SCAPER: variants seen among roughly 807,000 people sequenced by gnomAD.
SCAPER encodes the protein S phase cyclin A-associated protein in the endoplasmic reticulum.
SCAPER carries 98 observed loss-of-function variants against 182.2 expected under a neutral mutation model. The ratio of observed to expected loss-of-function variants is 0.54; its 90% CI spans 0.46 to 0.64. The LOEUF (loss-of-function observed/expected upper bound fraction) is 0.64. SCAPER is among the 30% of genes least tolerant of loss of function. The pLI is 0.00. For synonymous variants in SCAPER, 605 were observed against 564.6 expected, an observed-to-expected ratio of 1.07 and a Z score of -1.01; for missense variants, 1,432 against 1,690.0, an observed-to-expected ratio of 0.85 and a Z score of 2.68.
intron 8 of SCAPER, among the ~76,000 whole-genome samples, chr15:76,786,180 A>G (rs1453424239): frequency 6.6e-6 from 1 of 151,914 alleles, no homozygotes; most frequent in Non-Finnish European, 1.5e-5. Flanking sequence ...CACAAAAATT[A>G]GCTGGGCGTG....
chr15:76,575,241 G>C (rs1312184112), intron 22 of SCAPER, among the ~76,000 whole-genome samples: 3 of 152,066 alleles, frequency 2.0e-5, no homozygotes, highest in African/African-American at 7.2e-5. Flanking sequence ...GCAGGGGTGG[G>C]GGTGTGGGGG....
intron 16 of SCAPER, among the ~76,000 whole-genome samples, chr15:76,729,459 G>A (rs969709392): frequency 2.0e-5 from 3 of 151,656 alleles, no homozygotes; most frequent in Non-Finnish European, 4.4e-5. Context: ...TGAATATGAT[G>A]AAAAAACCAT....
intron 23 of SCAPER, among the ~76,000 whole-genome samples, chr15:76,570,213 T>C (rs939529116): frequency 6.6e-6 from 1 of 152,198 alleles, no homozygotes; most frequent in East Asian, 1.9e-4. Context: ...TAATGACTGG[T>C]GTACTTCCTG....
chr15:76,581,076 CA>C (rs1178541147), intron 22 of SCAPER, among the ~76,000 whole-genome samples: 1 of 152,108 alleles, frequency 6.6e-6, no homozygotes, highest in East Asian at 1.9e-4. Context: ...TACACATATA[CA>C]ACCTACCAAG....
intron 23 of SCAPER, among the ~76,000 whole-genome samples, chr15:76,557,560 T>C (rs1462270228): frequency 1.3e-5 from 2 of 152,178 alleles, no homozygotes; most frequent in African/African-American, 4.8e-5. Flanking sequence ...TGTTTAAAAG[T>C]GTGTGGCACT....
intron 8 of SCAPER, among the ~76,000 whole-genome samples, chr15:76,793,585 T>C (rs188313843): frequency 1.3e-5 from 2 of 152,330 alleles, no homozygotes; most frequent in African/African-American, 4.8e-5. Context: ...AGCTGAACAC[T>C]TGAAGGTTCC....
intron 24 of SCAPER, among the ~76,000 whole-genome samples, chr15:76,502,466 G>T (rs1036722565): frequency 6.6e-6 from 1 of 151,854 alleles, no homozygotes; most frequent in East Asian, 1.9e-4. Flanking sequence ...GCAAACTATC[G>T]CAAGGATAGA....
intron 23 of SCAPER, among the ~76,000 whole-genome samples, chr15:76,558,376 A>G (rs1379123785): frequency 1.3e-5 from 2 of 152,248 alleles, no homozygotes; most frequent in South Asian, 2.1e-4. Context: ...TGTGGACAAC[A>G]AGCATGTGAA....
At chr15:76,526,897 T>G (rs2043243429) in intron 23 of SCAPER, among the ~76,000 whole-genome samples, 1 of 151,986 alleles carries the variant, frequency 6.6e-6, no homozygotes, top group Non-Finnish European at 1.5e-5. Context: ...GGAACGTAGT[T>G]TTCTGCTCTT....
At chr15:76,393,156 C>T (rs548389710) in intron 27 of SCAPER, among the ~76,000 whole-genome samples, 2 of 152,284 alleles carry the variant, frequency 1.3e-5, no homozygotes, top group African/African-American at 4.8e-5. Flanking sequence ...TACAGAGACA[C>T]CCCAGAAGTT....
In SCAPER at chr15:76,460,617, C is replaced by T. The variant is rs533242327; in HGVS notation, c.3078+10595G>A. 1.1e-4 allele frequency among the ~76,000 whole-genome samples: 16 copies of T among 152,234 alleles called. No homozygotes were observed. The East Asian group carries it at 3.1e-3, about 29-fold the overall frequency. On this transcript the variant is annotated intron_variant, in intron 25 of 31. Coordinates refer to ENST00000563290, the MANE Select transcript of SCAPER (RefSeq NM_020843.4). ...TACAAAAAAATGTTCATGTCTCATTCTCTCTTCTCCTTTTGGATATCCAGT... is the reference window on the plus strand; with the variant it reads ...TACAAAAAAATGTTCATGTCTCATTTTCTCTTCTCCTTTTGGATATCCAGT...
chr15:76,757,577 C>G (rs550065858), intron 14 of SCAPER, among the ~76,000 whole-genome samples: 1 of 152,154 alleles, frequency 6.6e-6, no homozygotes, highest in African/African-American at 2.4e-5. Context: ...CATGGGTGCA[C>G]AGGTATCTCT....
At chr15:76,716,139 G>A (rs1434010530) in intron 17 of SCAPER, among the ~76,000 whole-genome samples, 2 of 152,156 alleles carry the variant, frequency 1.3e-5, no homozygotes. Context: ...AACCTCAGCA[G>A]CCAACATCAC....
chr15:76,878,917 T>C (rs1374072520), intron 2 of SCAPER, among the ~76,000 whole-genome samples: 1 of 152,116 alleles, frequency 6.6e-6, no homozygotes, highest in African/African-American at 2.4e-5. Flanking sequence ...AAAGAAGTAC[T>C]AAGAATCAGT....
At chr15:76,712,046 T>C (rs2059612131) in intron 17 of SCAPER, among the ~76,000 whole-genome samples, 1 of 152,200 alleles carries the variant, frequency 6.6e-6, no homozygotes. Flanking sequence ...GCCTAGGTTT[T>C]CTTCTAGGGT....
At chr15:76,843,490 TGTTCACAGAGC>T (rs1183320006) in intron 4 of SCAPER, among the ~76,000 whole-genome samples, 7 of 152,190 alleles carry the variant, frequency 4.6e-5, no homozygotes, top group Non-Finnish European at 1.0e-4. Context: ...TCTGCTCCAA[TGTTCACAGAGC>T]GTTTGACATG....
At chr15:76,862,136 A>T (rs1382198762) in intron 3 of SCAPER, among the ~76,000 whole-genome samples, 1 of 152,154 alleles carries the variant, frequency 6.6e-6, no homozygotes, top group East Asian at 1.9e-4. Context: ...AAGCCTAAAC[A>T]TATCACTAAA....
Position 76,753,829 on chromosome 15 carries a change from T to C in SCAPER, c.1845A>G (p.Lys615=). 2 of 1,612,534 alleles carry C rather than the reference T, an allele frequency of 1.2e-6. No homozygotes were observed. The highest frequency in any genetic ancestry group is 1.7e-6 in the Non-Finnish European group (2 of 1,179,002). ...ATACCTTAGCTTCTTCTTCTTGTGC[T>C]TTTTTCACAATTGCTTGTAACTGCA... ...REVQLQAIVK[K]AQEEEAKVNE... The change falls in exon 15 of 32, where the codon AAA becomes AAG. Residue 615 remains lysine, a synonymous_variant. Coordinates refer to ENST00000563290, the MANE Select transcript of SCAPER (RefSeq NM_020843.4).
chr15:76,385,554 T>TC (rs2043236564), intron 27 of SCAPER, among the ~76,000 whole-genome samples: 1 of 152,132 alleles, frequency 6.6e-6, no homozygotes, highest in Admixed American at 6.5e-5. Flanking sequence ...AGTCATTGTC[T>TC]CCCCCAATGA....
Sources: gnomAD v4.1 joint callset for allele counts (sites outside exome capture counted in the v4.1 genomes callset) on GRCh38, gnomAD v4.1.1 for gene constraint, MANE v1.5 for transcripts, NCBI Gene and HGNC (gene_info 2026-07-23, HGNC 2026-07-21) for gene names.